The following SMYD3 variants were observed in gnomAD, a reference collection of about 807,000 sequenced individuals.
The protein encoded by SMYD3 is SET and MYND domain containing 3, also known as histone-lysine N-methyltransferase SMYD3.
In SMYD3, 36 loss-of-function variants were observed where a neutral mutation model predicts 57.7. The observed-to-expected ratio is 0.62, with a 90% CI of 0.48 to 0.82. The LOEUF (loss-of-function observed/expected upper bound fraction) is 0.82, where lower values mean the gene tolerates loss of function less well. Among genes scored for constraint, SMYD3 ranks in the 40% least tolerant of loss-of-function variants. SMYD3 has a pLI of 0.00. For synonymous variants in SMYD3, 211 were observed against 195.0 expected, an observed-to-expected ratio of 1.08 and a Z score of -0.68; for missense variants, 515 against 538.8, an observed-to-expected ratio of 0.96 and a Z score of 0.44.
intron 5 of SMYD3, among the ~76,000 whole-genome samples, chr1:245,984,734 T>A (rs2058669021): frequency 6.6e-6 from 1 of 152,104 alleles, no homozygotes; most frequent in Non-Finnish European, 1.5e-5. Context: ...CATTTTTGAG[T>A]CTCTCCTTTC....
intron 1 of SMYD3, among the ~76,000 whole-genome samples, chr1:246,428,124 G>C (rs2067247533): frequency 6.6e-6 from 1 of 152,164 alleles, no homozygotes; most frequent in Non-Finnish European, 1.5e-5. Context: ...TAAGGGGGAA[G>C]GAAGGTAGTT....
In SMYD3 at chr1:246,408,497, A is replaced by G. The variant is rs528108755; in HGVS notation, c.165-53403T>C. Among the ~76,000 whole-genome samples, 9 of 152,166 alleles carry G rather than the reference A, an allele frequency of 5.9e-5. No homozygotes were observed. The South Asian group carries it at 1.9e-3, about 32-fold the overall frequency. On this transcript the variant is annotated intron_variant, in intron 1 of 11. Coordinates refer to ENST00000490107, the MANE Select transcript of SMYD3 (RefSeq NM_001167740.2). Reference sequence around the variant, plus strand: ...TGTTGCTGTTTCCTATCAATATTTTACTATACAGGAAAATCAGAGCTACAT... The same window carrying G: ...TGTTGCTGTTTCCTATCAATATTTTGCTATACAGGAAAATCAGAGCTACAT...
intron 5 of SMYD3, among the ~76,000 whole-genome samples, chr1:246,047,442 G>A (rs1011763972): frequency 6.6e-6 from 1 of 152,194 alleles, no homozygotes; most frequent in African/African-American, 2.4e-5. Flanking sequence ...AAAGGCATTA[G>A]CATATGTGCA....
At chr1:246,422,364 A>C (rs1437716652) in intron 1 of SMYD3, among the ~76,000 whole-genome samples, 2 of 152,164 alleles carry the variant, frequency 1.3e-5, no homozygotes, top group African/African-American at 4.8e-5. Flanking sequence ...AGACTCAGAA[A>C]GTATAATCTC....
chr1:246,375,017 T>C (rs2066251354), intron 1 of SMYD3, among the ~76,000 whole-genome samples: 2 of 151,952 alleles, frequency 1.3e-5, no homozygotes, highest in Admixed American at 1.3e-4. Context: ...TGCTTGAACT[T>C]GGGAGGTGGA....
At chr1:246,397,152 A>G (rs1231184974) in intron 1 of SMYD3, among the ~76,000 whole-genome samples, 1 of 152,214 alleles carries the variant, frequency 6.6e-6, no homozygotes, top group Non-Finnish European at 1.5e-5. Context: ...GCGGGCAAGC[A>G]GGCATTACCA....
chr1:246,293,957 T>C (rs539204989), intron 5 of SMYD3, among the ~76,000 whole-genome samples: 49 of 152,298 alleles, frequency 3.2e-4, no homozygotes, highest in Admixed American at 1.8e-3. Flanking sequence ...CTGCAGCACT[T>C]GAAGCTGTTG....
chr1:245,962,178 T>C (rs1219277218), intron 5 of SMYD3, among the ~76,000 whole-genome samples: 1 of 152,134 alleles, frequency 6.6e-6, no homozygotes, highest in Non-Finnish European at 1.5e-5. Flanking sequence ...GAAAAAACCA[T>C]TTAAAAACCA....
chr1:245,752,630 C>T (rs144463238), intron 11 of SMYD3, among the ~76,000 whole-genome samples: 31 of 152,308 alleles, frequency 2.0e-4, no homozygotes, highest in Middle Eastern at 3.4e-3. Context: ...GTCTACTCCC[C>T]ACTGATCCAG....
rs553226471 is a variant in SMYD3 at position 245,793,055 on chromosome 1, A to C, written c.1077-28906T>G. On this transcript the variant is annotated intron_variant, in intron 10 of 11. Coordinates refer to ENST00000490107, the MANE Select transcript of SMYD3 (RefSeq NM_001167740.2). ...GCCAGGCACAGTGGCTCATGCCTGT[A>C]ATCCCAGCACTTTGGGAGGCCGAGG... Among the ~76,000 whole-genome samples, 72 of 136,126 alleles carry C rather than the reference A, an allele frequency of 5.3e-4. No individual in the cohort carries two copies. The South Asian group carries it at 0.013, about 25-fold the overall frequency. 89.3% of individuals were successfully genotyped at this position (136,126 alleles called of 152,430 possible). A position where few individuals can be genotyped will look rare whatever the true frequency, so the allele number is the denominator to read the frequency against.
At chr1:246,064,128 C>T (rs1338593562) in intron 5 of SMYD3, among the ~76,000 whole-genome samples, 3 of 152,170 alleles carry the variant, frequency 2.0e-5, no homozygotes, top group African/African-American at 4.8e-5. Context: ...TCCTCACTAT[C>T]GGGCTTTAAT....
intron 5 of SMYD3, among the ~76,000 whole-genome samples, chr1:246,210,394 A>C (rs941162701): frequency 1.3e-5 from 2 of 152,164 alleles, no homozygotes; most frequent in African/African-American, 4.8e-5. Flanking sequence ...TAAATGCATG[A>C]AGGAGAAAAC....
At chr1:246,503,518 A>T (rs567800893) in intron 1 of SMYD3, among the ~76,000 whole-genome samples, 2 of 152,364 alleles carry the variant, frequency 1.3e-5, no homozygotes, top group South Asian at 4.1e-4. Context: ...CTAGGGAGTG[A>T]GAAGGTTTAC....
intron 10 of SMYD3, among the ~76,000 whole-genome samples, chr1:245,826,320 C>T (rs376924509): frequency 6.6e-6 from 1 of 152,060 alleles, no homozygotes; most frequent in South Asian, 2.1e-4. Flanking sequence ...CTTCACTTAG[C>T]GTAGTGTCTG....
At chr1:245,775,879 T>G (rs1191568739) in intron 10 of SMYD3, among the ~76,000 whole-genome samples, 1 of 152,134 alleles carries the variant, frequency 6.6e-6, no homozygotes, top group Admixed American at 6.5e-5. Flanking sequence ...TTCTAACATT[T>G]TAGTTGAAAG....
intron 8 of SMYD3, among the ~76,000 whole-genome samples, chr1:245,894,053 G>A (rs555984233): frequency 1.3e-5 from 2 of 152,186 alleles, no homozygotes; most frequent in Non-Finnish European, 2.9e-5. Context: ...AGAGTACCTC[G>A]TGAGAGGTGA....
At chr1:245,825,696 G>A (rs1213617200) in intron 10 of SMYD3, among the ~76,000 whole-genome samples, 1 of 152,118 alleles carries the variant, frequency 6.6e-6, no homozygotes, top group Non-Finnish European at 1.5e-5. Context: ...GAATTGATGA[G>A]CACAGCAAGA....
chr1:245,797,699 T>TAAAGAAAAGA (rs541165178), intron 10 of SMYD3, among the ~76,000 whole-genome samples: 1 of 151,154 alleles, frequency 6.6e-6, no homozygotes, highest in Non-Finnish European at 1.5e-5. Context: ...TAGATAGATA[T>TAAAGAAAAGA]AAAGAAAAGA....
At chr1:246,426,648 A>G (rs992122511) in intron 1 of SMYD3, among the ~76,000 whole-genome samples, 1 of 152,170 alleles carries the variant, frequency 6.6e-6, no homozygotes, top group Non-Finnish European at 1.5e-5. Context: ...TCATTTTCCA[A>G]TTACAATGCC....
Sources: allele counts gnomAD v4.1 joint callset (sites outside exome capture counted in the v4.1 genomes callset), GRCh38; gene constraint gnomAD v4.1.1; transcripts MANE v1.5; gene names NCBI Gene and HGNC (gene_info 2026-07-23, HGNC 2026-07-21).